The following RSRC1 variants were observed in gnomAD, a reference collection of about 807,000 sequenced individuals.
The protein encoded by RSRC1 is serine/Arginine-related protein 53.
Under a neutral mutation model 49.1 loss-of-function variants are expected in RSRC1, and 39 were observed. The observed-to-expected ratio is 0.79, with a 90% CI of 0.61 to 1.04. The LOEUF is 1.04. RSRC1 is among the 50% of genes least tolerant of loss of function. RSRC1 has a pLI of 0.00. For synonymous variants in RSRC1, 143 were observed against 130.8 expected (o/e 1.09, Z -0.63); for missense variants, 388 against 402.4 (o/e 0.96, Z 0.31).
At chr3:158,329,644 C>T (rs1729415622) in intron 5 of RSRC1, among the ~76,000 whole-genome samples, 1 of 152,134 alleles carries the variant, frequency 6.6e-6, no homozygotes, top group Non-Finnish European at 1.5e-5. Context: ...TCAGTGTGCC[C>T]CTACTGGGGG....
intron 5 of RSRC1, among the ~76,000 whole-genome samples, chr3:158,343,656 A>G (rs1033052153): frequency 1.3e-5 from 2 of 152,180 alleles, no homozygotes; most frequent in African/African-American, 4.8e-5. Flanking sequence ...AATTCTAGAC[A>G]CGAAGGCTAT....
chr3:158,122,164 C>T lies in RSRC1; in HGVS notation c.60C>T (p.His20=). The change falls in exon 2 of 10, where the codon CAC becomes CAT. Residue 20 remains histidine, a synonymous_variant. Transcript: ENST00000611884. ...EESRSKRKKK[H]RRRSSSSSSS... is the part of the protein sequence containing the mutation. ...GCAGAAGCAAGAGAAAAAAGAAACACCGTAGACGGTCCTCCTCGAGCAGTT... is the reference window on the plus strand; with the variant it reads ...GCAGAAGCAAGAGAAAAAAGAAACATCGTAGACGGTCCTCCTCGAGCAGTT... 6.3e-7 allele frequency: 1 copy of T among 1,597,226 alleles called. No individual in the cohort carries two copies. Among genetic ancestry groups the T allele is most frequent in the Non-Finnish European group, 8.5e-7 (1 of 1,171,212 alleles).
rs1578479333 is a variant in RSRC1 at position 158,439,333 on chromosome 3, T to C, written c.584-21602T>C. Among the ~76,000 whole-genome samples the C allele has an allele frequency of 2.6e-5, 4 of 152,272 alleles. No individual in the cohort carries two copies. The South Asian group carries it at 8.3e-4, about 32-fold the overall frequency. Reference sequence around the variant, plus strand: ...TACTAGGTATCTACCCAAAGGACTATAAATCATGCTGCTATAAAGACACAT... The same window carrying C: ...TACTAGGTATCTACCCAAAGGACTACAAATCATGCTGCTATAAAGACACAT... On this transcript the variant is annotated intron_variant, in intron 6 of 9. Transcript: ENST00000611884.
At chr3:158,272,084 G>T (rs1725549974) in intron 4 of RSRC1, among the ~76,000 whole-genome samples, 1 of 152,074 alleles carries the variant, frequency 6.6e-6, no homozygotes, top group Non-Finnish European at 1.5e-5. Context: ...TAGAGGAAGT[G>T]AATGGACACT....
chr3:158,328,300 A>G (rs1729299007), intron 5 of RSRC1, among the ~76,000 whole-genome samples: 1 of 152,066 alleles, frequency 6.6e-6, no homozygotes, highest in African/African-American at 2.4e-5. Flanking sequence ...TATTTTGCTG[A>G]TTAGTTGATG....
chr3:158,411,685 ATTT>A (rs1283792034), intron 6 of RSRC1, among the ~76,000 whole-genome samples: 37 of 151,870 alleles, frequency 2.4e-4, no homozygotes, highest in Non-Finnish European at 4.7e-4. Context: ...ACCTGGCAGC[ATTT>A]TAATTTATAT....
intron 4 of RSRC1, among the ~76,000 whole-genome samples, chr3:158,271,121 T>A (rs977635483): frequency 1.5e-5 from 2 of 133,236 alleles, no homozygotes; most frequent in Non-Finnish European, 3.2e-5. Flanking sequence ...AGCTTTTGGA[T>A]ACAAAATACA....
At chr3:158,303,442 G>T (rs904573513) in intron 5 of RSRC1, 1 of 152,132 alleles carries the variant, frequency 6.6e-6, no homozygotes, top group Non-Finnish European at 1.5e-5. Context: ...ACTGTACAGG[G>T]TGATCTGGGG....
chr3:158,163,194 G>A (rs188136104), intron 3 of RSRC1, among the ~76,000 whole-genome samples: 1 of 152,000 alleles, frequency 6.6e-6, no homozygotes, highest in African/African-American at 2.4e-5. Flanking sequence ...GTAGAGATGG[G>A]GTTTCACCAT....
intron 6 of RSRC1, among the ~76,000 whole-genome samples, chr3:158,430,070 C>T (rs1735694377): frequency 1.2e-5 from 1 of 82,336 alleles, no homozygotes; most frequent in East Asian, 2.3e-4. Flanking sequence ...AAACCACACA[C>T]ACAAAAAAAA....
intron 4 of RSRC1, among the ~76,000 whole-genome samples, chr3:158,255,913 T>C (rs781624238): frequency 1.3e-5 from 2 of 152,222 alleles, no homozygotes; most frequent in Non-Finnish European, 2.9e-5. Flanking sequence ...ATTGATTTTG[T>C]ATCCTGAGGC....
At chr3:158,534,761 T>C (rs1460084475) in intron 7 of RSRC1, among the ~76,000 whole-genome samples, 1 of 151,540 alleles carries the variant, frequency 6.6e-6, no homozygotes, top group South Asian at 2.1e-4. Flanking sequence ...TAGAATGCTA[T>C]GCAATTATAA....
intron 7 of RSRC1, among the ~76,000 whole-genome samples, chr3:158,487,949 G>GA (rs58689210): frequency 0.032 from 917 of 28,982 alleles, 73 homozygotes; most frequent in Non-Finnish European, 0.046. Context: ...TCCATCTCAA[G>GA]AAAAAAAAAA....
intron 4 of RSRC1, among the ~76,000 whole-genome samples, chr3:158,291,900 A>G (rs779275362): frequency 1.3e-5 from 2 of 152,244 alleles, no homozygotes; most frequent in Admixed American, 6.5e-5. Flanking sequence ...AAGAGGACAT[A>G]AGCTTTATTA....
At chr3:158,255,346 C>A (rs6441184) in intron 4 of RSRC1, among the ~76,000 whole-genome samples, 72,064 of 151,708 alleles carry the variant, frequency 0.48, 17,629 homozygotes, top group East Asian at 0.64. Context: ...GCTTGTTTTT[C>A]TCAGGTTTGT....
chr3:158,280,223 C>T (rs1188874355), intron 4 of RSRC1, among the ~76,000 whole-genome samples: 1 of 152,008 alleles, frequency 6.6e-6, no homozygotes, highest in East Asian at 1.9e-4. Context: ...CAAATACACC[C>T]AAGAAGAAGG....
intron 7 of RSRC1, among the ~76,000 whole-genome samples, chr3:158,518,118 G>GCATATATATATATA (rs1341871336): frequency 7.9e-5 from 6 of 75,804 alleles, no homozygotes; most frequent in African/African-American, 4.0e-4. Context: ...GTGTGTGTGT[G>GCATATATATATATA]TGTGTGTGTA....
At chr3:158,252,106 A>G (rs952147750) in intron 4 of RSRC1, among the ~76,000 whole-genome samples, 1 of 151,252 alleles carries the variant, frequency 6.6e-6, no homozygotes, top group South Asian at 2.1e-4. Flanking sequence ...TGATTTGCAT[A>G]TGTTGAACCA....
At chr3:158,113,905 T>C (rs534442237) in intron 1 of RSRC1, among the ~76,000 whole-genome samples, 1 of 152,330 alleles carries the variant, frequency 6.6e-6, no homozygotes. Flanking sequence ...ATATTAGACC[T>C]TTGTCAGTTG....
Sources: allele counts gnomAD v4.1 joint callset (sites outside exome capture counted in the v4.1 genomes callset), GRCh38; gene constraint gnomAD v4.1.1; transcripts MANE v1.5; gene names NCBI Gene and HGNC (gene_info 2026-07-23, HGNC 2026-07-21).